LRRC7: variants seen among roughly 807,000 people sequenced by gnomAD.
The protein encoded by LRRC7 is leucine-rich repeat-containing protein 7.
Under a neutral mutation model 175.7 loss-of-function variants are expected in LRRC7, and 23 were observed. The ratio of observed to expected loss-of-function variants is 0.13; its 90% CI spans 0.09 to 0.19. The LOEUF is 0.19. LRRC7 is among the 10% of genes least tolerant of loss of function. LRRC7 has a pLI of 1.00. For synonymous variants in LRRC7, 685 were observed against 680.9 expected (o/e 1.01, Z -0.09); for missense variants, 1,354 against 1,904.7 (o/e 0.71, Z 5.38).
At chr1:69,686,082 G>A (rs1661103861) in intron 2 of LRRC7, among the ~76,000 whole-genome samples, 1 of 151,906 alleles carries the variant, frequency 6.6e-6, no homozygotes, top group South Asian at 2.1e-4. Context: ...AACCACAGAG[G>A]CCAGAAGGAA....
At position 70,131,206 on chromosome 1, in the gene LRRC7, A is replaced by G. The variant is rs1666650388; in HGVS notation, c.*9319A>G. Among the ~76,000 whole-genome samples the G allele has an allele frequency of 6.6e-6, 1 of 152,198 alleles. No homozygotes were observed. The highest frequency in any genetic ancestry group is 2.4e-5 in the African/African-American group (1 of 41,458). Reference sequence around the variant, plus strand: ...TCTGGCCTGTTGATCTCAAAGTAGAAAGAAAGCATGCTATTTATACTGCCA... The same window carrying G: ...TCTGGCCTGTTGATCTCAAAGTAGAGAGAAAGCATGCTATTTATACTGCCA... On this transcript the variant is annotated 3_prime_UTR_variant, in exon 27 of 27. Transcript: ENST00000651989.
chr1:69,798,132 G>A (rs1379944194), intron 4 of LRRC7, among the ~76,000 whole-genome samples: 2 of 152,076 alleles, frequency 1.3e-5, no homozygotes, highest in Admixed American at 6.6e-5. Flanking sequence ...ATGTTGGTCA[G>A]GCTGGTCTCG....
intron 8 of LRRC7, among the ~76,000 whole-genome samples, chr1:69,942,208 T>A (rs993796137): frequency 1.3e-4 from 20 of 152,166 alleles, no homozygotes; most frequent in Non-Finnish European, 1.6e-4. Flanking sequence ...CAGAAATTAT[T>A]GCAAATCATA....
chr1:70,086,177 G>C (rs1400996917), intron 24 of LRRC7, among the ~76,000 whole-genome samples: 1 of 151,960 alleles, frequency 6.6e-6, no homozygotes, highest in Admixed American at 6.6e-5. Flanking sequence ...AGGCTGGAAT[G>C]CAGTGGCACA....
In LRRC7 at chr1:69,568,472, A is replaced by G. The variant is rs1570205343; in HGVS notation, c.-168A>G. The G allele has an allele frequency of 2.7e-4, 101 of 373,258 alleles. No homozygotes were observed. The highest frequency in any genetic ancestry group is 4.3e-4 in the Non-Finnish European group (87 of 200,266). The allele number at this position is 373,258 out of a possible 1,614,324, so 23.1% of individuals were successfully genotyped here. On this transcript the variant is annotated 5_prime_UTR_variant, in exon 1 of 27. Coordinates refer to ENST00000651989, the MANE Select transcript of LRRC7 (RefSeq NM_001370785.2). ...ATGGTCTAACGTGGCACCTTCCTGG[A>G]TTCCCCTCTATCTCCTGTTCTTCCT...
At chr1:69,877,142 C>A (rs1261010774) in intron 7 of LRRC7, among the ~76,000 whole-genome samples, 1 of 152,090 alleles carries the variant, frequency 6.6e-6, no homozygotes, top group East Asian at 1.9e-4. Flanking sequence ...TGTGAAGGGG[C>A]TCTCATGACA....
At chr1:69,820,483 A>C (rs1358630895) in intron 4 of LRRC7, among the ~76,000 whole-genome samples, 1 of 152,060 alleles carries the variant, frequency 6.6e-6, no homozygotes, top group Non-Finnish European at 1.5e-5. Context: ...CCTGTCATCT[A>C]CATTAGGTAT....
intron 3 of LRRC7, among the ~76,000 whole-genome samples, chr1:69,776,473 A>C (rs1222017564): frequency 6.6e-6 from 1 of 152,150 alleles, no homozygotes; most frequent in Non-Finnish European, 1.5e-5. Context: ...TTTCTTCCAA[A>C]ATGTATGTGG....
chr1:69,895,371 A>G (rs1645951177), intron 7 of LRRC7, among the ~76,000 whole-genome samples: 1 of 152,228 alleles, frequency 6.6e-6, no homozygotes, highest in Non-Finnish European at 1.5e-5. Flanking sequence ...TAAACCTCCT[A>G]TCTGGATGGT....
rs1166458766 is a variant in LRRC7 at position 70,044,114 on chromosome 1, C to T, written c.4110+20C>T. ...CAGAAAGTAAGTATGGACTGCCCTA[C>T]ATGTGTCAGCATACCAAAGCCAATT... On this transcript the variant is annotated intron_variant, in intron 22 of 26. Coordinates refer to ENST00000651989, the MANE Select transcript of LRRC7 (RefSeq NM_001370785.2). 1 of 1,606,270 alleles carries T rather than the reference C, an allele frequency of 6.2e-7. No homozygotes were observed. Among genetic ancestry groups the T allele is most frequent in the East Asian group, 2.2e-5 (1 of 44,680 alleles).
chr1:69,596,089 A>G (rs1004911321), intron 1 of LRRC7, among the ~76,000 whole-genome samples: 4 of 152,176 alleles, frequency 2.6e-5, no homozygotes, highest in Middle Eastern at 3.4e-3. Flanking sequence ...CATCTGCAGA[A>G]GGACTGCCCA....
At chr1:69,956,459 T>G (rs965547032) in intron 8 of LRRC7, among the ~76,000 whole-genome samples, 1 of 151,860 alleles carries the variant, frequency 6.6e-6, no homozygotes, top group Non-Finnish European at 1.5e-5. Flanking sequence ...TTAACAGTAA[T>G]AATGAGAAGT....
At chr1:69,976,993 C>T (rs763668621) in intron 8 of LRRC7, among the ~76,000 whole-genome samples, 1 of 152,056 alleles carries the variant, frequency 6.6e-6, no homozygotes, top group African/African-American at 2.4e-5. Flanking sequence ...TCCAGGAACC[C>T]GAAGTTAATT....
At chr1:69,893,320 G>A (rs1451144220) in intron 7 of LRRC7, among the ~76,000 whole-genome samples, 3 of 152,114 alleles carry the variant, frequency 2.0e-5, no homozygotes, top group African/African-American at 7.2e-5. Flanking sequence ...CAAAATCTCA[G>A]ACAGCTAACA....
chr1:69,900,498 ACAAAT>A (rs932098662), intron 7 of LRRC7, among the ~76,000 whole-genome samples: 3 of 152,178 alleles, frequency 2.0e-5, no homozygotes, highest in African/African-American at 7.2e-5. Context: ...TTGGTTGCAT[ACAAAT>A]CAAGAGTGTT....
Position 70,038,383 on chromosome 1 carries a change from G to A in LRRC7, c.2559G>A (p.Arg853=). Residue 853 remains arginine, a synonymous_variant, in exon 21 of 27, where the codon AGG becomes AGA. Transcript: ENST00000651989. The part of the protein sequence containing the change: ...HGRRPLIRQD[R]IVGVPLELEQ... ...GCAGGCCTTTGATCAGGCAAGACAG[G>A]ATTGTTGGTGTTCCCCTGGAACTCG... 2 of 1,614,098 alleles carry A rather than the reference G, an allele frequency of 1.2e-6. No homozygotes were observed. Among genetic ancestry groups the A allele is most frequent in the East Asian group, 2.2e-5 (1 of 44,856 alleles).
chr1:69,672,707 A>T, intron 1 of LRRC7, among the ~76,000 whole-genome samples: 1 of 152,206 alleles, frequency 6.6e-6, no homozygotes. Flanking sequence ...TATTTCAACT[A>T]GATTTTCATG....
intron 23 of LRRC7, among the ~76,000 whole-genome samples, chr1:70,061,091 A>G (rs1661542460): frequency 6.6e-6 from 1 of 151,846 alleles, no homozygotes. Flanking sequence ...AATCTTCTCC[A>G]TCACTGGGAG....
Position 70,036,150 on chromosome 1 carries a change from G to A in LRRC7, c.2025G>A (p.Met675Ile). ...CTTTTGTTCATCCAGCTAATGAAAT[G>A]AGGATTGGGGAACTTCACCCTTCAT... ...EDSFVHPANE[M>I]RIGELHPSLA... The change falls in exon 19 of 27, where the codon ATG becomes ATA. Residue 675 changes from methionine to isoleucine, a missense_variant. Physicochemically the swap from Met to Ile is conservative, Grantham distance 10. Around this residue, in one of 4 missense-constraint regions of LRRC7, gnomAD observed 1,032 missense variants for 1,227.2 expected, o/e 0.84. Coordinates refer to ENST00000651989, the MANE Select transcript of LRRC7 (RefSeq NM_001370785.2). 1 of 1,612,652 alleles carries A rather than the reference G, an allele frequency of 6.2e-7. No homozygotes were observed. The highest frequency in any genetic ancestry group is 8.5e-7 in the Non-Finnish European group (1 of 1,179,318).
Sources: gnomAD v4.1 joint callset for allele counts (sites outside exome capture counted in the v4.1 genomes callset) on GRCh38, gnomAD v4.1.1 for gene constraint, gnomAD v4.1.1 regional missense constraint, MANE v1.5 for transcripts, NCBI Gene and HGNC (gene_info 2026-07-23, HGNC 2026-07-21) for gene names.